The following LRP1B variants were observed in gnomAD, a reference collection of about 807,000 sequenced individuals.
The protein encoded by LRP1B is LDL receptor related protein 1B, also known as low-density lipoprotein receptor-related protein 1B.
LRP1B carries 217 observed loss-of-function variants against 556.6 expected under a neutral mutation model. That is an observed-to-expected ratio of 0.39 (90% CI 0.35 to 0.44). The LOEUF (loss-of-function observed/expected upper bound fraction) is 0.44. Among genes scored for constraint, LRP1B ranks in the 20% least tolerant of loss-of-function variants. The probability of loss-of-function intolerance (pLI) is 1.00; values close to 1 mark genes in which losing one functional copy is unlikely to be tolerated. For synonymous variants in LRP1B, 2,047 were observed against 1,865.8 expected (o/e 1.10, Z -2.50); for missense variants, 5,053 against 5,620.8 (o/e 0.90, Z 3.23).
At chr2:140,914,683 A>G (rs1694522374) in intron 21 of LRP1B, among the ~76,000 whole-genome samples, 1 of 152,128 alleles carries the variant, frequency 6.6e-6, no homozygotes, top group Non-Finnish European at 1.5e-5. Flanking sequence ...TATATTTTAA[A>G]ATTAAATATG....
At chr2:140,946,741 G>A (rs1695560086) in intron 20 of LRP1B, among the ~76,000 whole-genome samples, 1 of 152,122 alleles carries the variant, frequency 6.6e-6, no homozygotes, top group African/African-American at 2.4e-5. Context: ...GTTTATCACT[G>A]CACTACTCAC....
intron 7 of LRP1B, among the ~76,000 whole-genome samples, chr2:141,162,131 C>T (rs985669560): frequency 6.6e-6 from 1 of 152,064 alleles, no homozygotes; most frequent in Non-Finnish European, 1.5e-5. Context: ...CCCCAGGTTG[C>T]CACTGGTCCA....
intron 12 of LRP1B, among the ~76,000 whole-genome samples, chr2:141,017,539 A>T (rs2105392654): frequency 6.6e-6 from 1 of 151,958 alleles, no homozygotes; most frequent in African/African-American, 2.4e-5. Context: ...TTACTATTTG[A>T]GAAAAGGAAT....
intron 66 of LRP1B, 146 bp from the exon 67 acceptor site, chr2:140,386,155 G>A (rs562092035): frequency 8.7e-5 from 55 of 633,642 alleles, no homozygotes; most frequent in South Asian, 6.9e-4. Context: ...TTGAAGGCAA[G>A]TGCTGAGGAA....
At chr2:141,325,388 A>T (rs887188454) in intron 3 of LRP1B, among the ~76,000 whole-genome samples, 1 of 152,198 alleles carries the variant, frequency 6.6e-6, no homozygotes, top group East Asian at 1.9e-4. Flanking sequence ...TTTTTAAATA[A>T]TTTTTGCTAG....
At chr2:140,309,882 T>TAATACTACAAATAACACAATC (rs1292893141) in intron 83 of LRP1B, among the ~76,000 whole-genome samples, 2 of 151,618 alleles carry the variant, frequency 1.3e-5, no homozygotes, top group Admixed American at 6.6e-5. Context: ...TCCAATTTCG[T>TAATACTACAAATAACACAATC]AATACTACAA....
intron 3 of LRP1B, among the ~76,000 whole-genome samples, chr2:141,437,862 TA>T (rs2104997055): frequency 6.6e-6 from 1 of 152,204 alleles, no homozygotes; most frequent in South Asian, 2.1e-4. Context: ...CTATTGGAAC[TA>T]AGACCTTCTG....
chr2:141,474,070 T>C (rs1682608303), intron 3 of LRP1B, among the ~76,000 whole-genome samples: 1 of 143,624 alleles, frequency 7.0e-6, no homozygotes, highest in African/African-American at 2.6e-5. Context: ...CCTCCCTCCC[T>C]TCCTTTCCTC....
intron 2 of LRP1B, among the ~76,000 whole-genome samples, chr2:141,482,081 A>G (rs1682939324): frequency 6.6e-6 from 1 of 152,160 alleles, no homozygotes; most frequent in African/African-American, 2.4e-5. Flanking sequence ...ATATTTTAGG[A>G]TATGCAAAAT....
intron 1 of LRP1B, among the ~76,000 whole-genome samples, chr2:141,963,486 C>T (rs1038507827): frequency 6.6e-6 from 1 of 151,620 alleles, no homozygotes; most frequent in Non-Finnish European, 1.5e-5. Flanking sequence ...GAGCCAAAGA[C>T]AAAAACCACA....
At chr2:140,919,761 A>G (rs549233555) in intron 21 of LRP1B, among the ~76,000 whole-genome samples, 2 of 152,142 alleles carry the variant, frequency 1.3e-5, no homozygotes, top group South Asian at 4.1e-4. Context: ...ATATTTTATC[A>G]TCACTTCTGT....
intron 3 of LRP1B, among the ~76,000 whole-genome samples, chr2:141,421,276 C>T (rs1029484178): frequency 6.6e-6 from 1 of 152,058 alleles, no homozygotes; most frequent in Non-Finnish European, 1.5e-5. Flanking sequence ...CGCCTGTAAT[C>T]CCAGCACTTT....
intron 3 of LRP1B, among the ~76,000 whole-genome samples, chr2:141,423,497 C>T (rs373815141): frequency 1.2e-4 from 18 of 152,032 alleles, no homozygotes; most frequent in Non-Finnish European, 2.4e-4. Flanking sequence ...CTAGCCACTC[C>T]TACCCACCCC....
chr2:141,033,823 A>G (rs927201174), intron 11 of LRP1B, among the ~76,000 whole-genome samples: 8 of 152,184 alleles, frequency 5.3e-5, no homozygotes, highest in Non-Finnish European at 1.0e-4. Context: ...ACTGTGAACA[A>G]TAAATGTTTT....
At chr2:141,584,093 A>G (rs1477826182) in intron 2 of LRP1B, among the ~76,000 whole-genome samples, 8 of 150,848 alleles carry the variant, frequency 5.3e-5, no homozygotes, top group African/African-American at 1.7e-4. Flanking sequence ...TTTCCCCCCA[A>G]CGTTAGCCAG....
chr2:140,875,533 A>T (rs1693278741), intron 25 of LRP1B, among the ~76,000 whole-genome samples: 1 of 152,114 alleles, frequency 6.6e-6, no homozygotes, highest in East Asian at 1.9e-4. Flanking sequence ...TCTTTTTTGA[A>T]ATCCTTGAGT....
In LRP1B at chr2:140,233,079, A is replaced by G; in HGVS notation, c.*107T>C. 1.5e-6 allele frequency: 1 copy of G among 665,614 alleles called. No individual in the cohort carries two copies. Among genetic ancestry groups the G allele is most frequent in the South Asian group, 4.2e-5 (1 of 23,794 alleles). 41.2% of individuals were successfully genotyped at this position (665,614 alleles called of 1,614,324 possible). On this transcript the variant is annotated 3_prime_UTR_variant, in exon 91 of 91. Coordinates refer to ENST00000389484, the MANE Select transcript of LRP1B (RefSeq NM_018557.3). ...GAAAACAATTAACCAGGAAAAAGAT[A>G]AAGAAAGAGGTAATGCTGATGCCAA...
intron 86 of LRP1B, 102 bp from the exon 87 acceptor site, chr2:140,247,264 G>T: frequency 1.4e-6 from 1 of 740,332 alleles, no homozygotes. Flanking sequence ...ACAGGAGCCA[G>T]TCATCACAAA....
chr2:140,471,142 G>A (rs1687751228), intron 60 of LRP1B, among the ~76,000 whole-genome samples: 1 of 152,106 alleles, frequency 6.6e-6, no homozygotes. Flanking sequence ...ATTTCTACCT[G>A]GAGAACACCC....
Sources: allele counts gnomAD v4.1 joint callset (sites outside exome capture counted in the v4.1 genomes callset), GRCh38; gene constraint gnomAD v4.1.1; transcripts MANE v1.5; gene names NCBI Gene and HGNC (gene_info 2026-07-23, HGNC 2026-07-21).